Variants in ANO4 observed in about 807,000 individuals in gnomAD.
ANO4 encodes anoctamin-4.
Under a neutral mutation model 141.9 loss-of-function variants are expected in ANO4, and 69 were observed. The ratio of observed to expected loss-of-function variants is 0.49; its 90% confidence interval spans 0.40 to 0.59. The LOEUF (loss-of-function observed/expected upper bound fraction) is 0.59, where lower values mean the gene tolerates loss of function less well. ANO4 is among the 20% of genes least tolerant of loss of function. The pLI is 0.00. For missense variants in ANO4, 894 were observed against 1,162.2 expected (o/e 0.77, Z 3.36); for synonymous variants, 350 against 394.3 (o/e 0.89, Z 1.33).
chr12:100,817,793 G>A (rs2035818183), intron 1 of ANO4, among the ~76,000 whole-genome samples: 1 of 151,882 alleles, frequency 6.6e-6, no homozygotes, highest in African/African-American at 2.4e-5. Flanking sequence ...TATGATACAT[G>A]CATTTCTTGA....
intron 9 of ANO4, among the ~76,000 whole-genome samples, chr12:101,030,544 T>C (rs1340627322): frequency 1.3e-5 from 2 of 151,990 alleles, no homozygotes; most frequent in Non-Finnish European, 2.9e-5. Flanking sequence ...CTCAAATTGA[T>C]ACACTAACAT....
At chr12:101,015,599 G>A (rs557294263) in intron 8 of ANO4, among the ~76,000 whole-genome samples, 2 of 152,262 alleles carry the variant, frequency 1.3e-5, no homozygotes, top group Non-Finnish European at 2.9e-5. Context: ...TTGCACACGG[G>A]TAAGTATATT....
At chr12:100,932,819 AT>A (rs913398044) in intron 3 of ANO4, among the ~76,000 whole-genome samples, 1 of 151,966 alleles carries the variant, frequency 6.6e-6, no homozygotes, top group Non-Finnish European at 1.5e-5. Context: ...TCTTTAGCTG[AT>A]TTTTCGTCTC....
chr12:101,092,487 A>T (rs1230031862), intron 17 of ANO4, among the ~76,000 whole-genome samples: 1 of 152,052 alleles, frequency 6.6e-6, no homozygotes, highest in Middle Eastern at 3.2e-3. Context: ...GAAATCAGAC[A>T]TTTTTCCAGA....
chr12:101,084,817 G>A (rs934845515), intron 16 of ANO4, among the ~76,000 whole-genome samples: 2 of 152,156 alleles, frequency 1.3e-5, no homozygotes, highest in African/African-American at 4.8e-5. Flanking sequence ...CTATGGATGG[G>A]GAACTTGGAA....
intron 1 of ANO4, among the ~76,000 whole-genome samples, chr12:100,881,679 G>T (rs187815630): frequency 8.4e-4 from 128 of 152,310 alleles, no homozygotes; most frequent in Middle Eastern, 3.4e-3. Flanking sequence ...GAAAATGAGG[G>T]TGTTGGAGCA....
intron 1 of ANO4, among the ~76,000 whole-genome samples, chr12:100,841,645 C>A (rs2037255602): frequency 6.6e-6 from 1 of 152,106 alleles, no homozygotes; most frequent in Non-Finnish European, 1.5e-5. Flanking sequence ...GAACGGTAGT[C>A]CAGGCAGAGG....
At chr12:100,957,111 T>G (rs912629459) in intron 5 of ANO4, among the ~76,000 whole-genome samples, 8 of 152,242 alleles carry the variant, frequency 5.3e-5, no homozygotes, top group Non-Finnish European at 8.8e-5. Context: ...GGGTAATTTA[T>G]GAAGAAAATA....
At chr12:100,944,334 G>A (rs1250502195) in intron 5 of ANO4, among the ~76,000 whole-genome samples, 2 of 151,842 alleles carry the variant, frequency 1.3e-5, no homozygotes, top group South Asian at 2.1e-4. Context: ...CTGCTTGTAC[G>A]ATTTTGTCTA....
In ANO4 at chr12:101,096,711, C is replaced by T. The variant is rs563969134; in HGVS notation, c.1850+64C>T. The T allele has an allele frequency of 2.3e-4, 292 of 1,271,612 alleles. 1 individual carries two copies. Among genetic ancestry groups the T allele is most frequent in the South Asian group, 1.9e-3 (159 of 82,596 alleles). The allele number at this position is 1,271,612 out of a possible 1,614,324, so 78.8% of individuals were successfully genotyped here. ...ACAGAACACTTAGAAGGCACTGACT[C>T]GTGGGGACAGAGAAGCCCTCCCTTA... On this transcript the variant is annotated intron_variant, in intron 19 of 27. Transcript: ENST00000392977.
At position 101,117,279 on chromosome 12, in the gene ANO4, A is replaced by G. The variant is rs183795533; in HGVS notation, c.2570+481A>G. On this transcript the variant is annotated intron_variant, in intron 25 of 27. Coordinates refer to ENST00000392977, the MANE Select transcript of ANO4 (RefSeq NM_001286615.2). ...GTTCCACCACAGTAGCCTCTGCAAC[A>G]TGTGCTCATTCTCTCTTTCTTTCTC... is the stretch of plus-strand genomic sequence containing the variant. Among the ~76,000 whole-genome samples the G allele has an allele frequency of 6.4e-3, 981 of 152,284 alleles. 4 individuals carry two copies. The highest frequency in any genetic ancestry group is 9.8e-3 in the Non-Finnish European group (669 of 68,028).
intron 3 of ANO4, among the ~76,000 whole-genome samples, chr12:100,777,298 T>TTA: frequency 7.2e-6 from 1 of 139,616 alleles, no homozygotes; most frequent in South Asian, 2.2e-4. Context: ...TTTTTTTTTT[T>TTA]AGTAGAGATG....
At chr12:100,894,312 C>T (rs2136000844) in intron 1 of ANO4, among the ~76,000 whole-genome samples, 1 of 152,154 alleles carries the variant, frequency 6.6e-6, no homozygotes, top group African/African-American at 2.4e-5. Context: ...TGGGCAGTAG[C>T]AAATCCTCTC....
At chr12:100,933,913 CTG>C (rs993524313) in intron 3 of ANO4, among the ~76,000 whole-genome samples, 59 of 152,272 alleles carry the variant, frequency 3.9e-4, no homozygotes, top group African/African-American at 1.3e-3. Flanking sequence ...TGAGAAGTGT[CTG>C]TTCATATCCT....
chr12:100,726,722 C>T, intron 1 of ANO4, among the ~76,000 whole-genome samples: 1 of 152,156 alleles, frequency 6.6e-6, no homozygotes, highest in East Asian at 1.9e-4. Context: ...TGAATGCTAC[C>T]ATGACTTATG....
Position 100,740,200 on chromosome 12 carries a change from C to A in ANO4, c.358+95C>A. 1.7e-5 allele frequency: 11 copies of A among 664,894 alleles called. No individual in the cohort carries two copies. The South Asian group carries it at 1.8e-4, about 11-fold the overall frequency. 41.2% of individuals were successfully genotyped at this position (664,894 alleles called of 1,614,324 possible). A position where few individuals can be genotyped will look rare whatever the true frequency, so the allele number is the denominator to read the frequency against. The stretch of plus-strand genomic sequence containing the variant: ...TGAATAAATTGCATTTGTATTTCTG[C>A]TTGTGTGATATGATGGACCCCAACA... On this transcript the variant is annotated intron_variant, in intron 3 of 29. Coordinates refer to the ANO4 transcript ENST00000644049.
At chr12:100,912,567 G>A (rs1444744581) in intron 2 of ANO4, among the ~76,000 whole-genome samples, 2 of 151,970 alleles carry the variant, frequency 1.3e-5, no homozygotes, top group South Asian at 2.1e-4. Context: ...CTTATTATGG[G>A]TGTTTTTTCC....
chr12:100,923,604 C>G (rs1363046100), intron 3 of ANO4, among the ~76,000 whole-genome samples: 2 of 152,124 alleles, frequency 1.3e-5, no homozygotes, highest in East Asian at 3.9e-4. Context: ...CATACGTGTG[C>G]ATGTGTCTTT....
At chr12:100,795,602 T>A (rs556660402) in intron 1 of ANO4, among the ~76,000 whole-genome samples, 32 of 152,306 alleles carry the variant, frequency 2.1e-4, no homozygotes, top group African/African-American at 7.7e-4. Flanking sequence ...AATCCTGAGC[T>A]GGCAGACGGA....
Sources: gnomAD v4.1 joint callset for allele counts (sites outside exome capture counted in the v4.1 genomes callset) on GRCh38, gnomAD v4.1.1 for gene constraint, MANE v1.5 for transcripts, NCBI Gene and HGNC (gene_info 2026-07-23, HGNC 2026-07-21) for gene names.